The following LHFPL3 variants were observed in gnomAD, a reference collection of about 807,000 sequenced individuals.
The protein encoded by LHFPL3 is LHFPL tetraspan subfamily member 3 protein.
In LHFPL3, 5 loss-of-function variants were observed where a neutral mutation model predicts 19.3. The ratio of observed to expected loss-of-function variants is 0.26; its 90% CI spans 0.14 to 0.54. The LOEUF (loss-of-function observed/expected upper bound fraction) is 0.54. Among genes scored for constraint, LHFPL3 ranks in the 20% least tolerant of loss-of-function variants. LHFPL3 has a pLI of 0.94. For missense variants in LHFPL3, 249 were observed against 307.4 expected, an observed-to-expected ratio of 0.81 and a Z score of 1.42; for synonymous variants, 133 against 126.2, an observed-to-expected ratio of 1.05 and a Z score of -0.36.
chr7:104,817,531 G>A (rs1266609044), intron 2 of LHFPL3, among the ~76,000 whole-genome samples: 8 of 152,162 alleles, frequency 5.3e-5, no homozygotes, highest in African/African-American at 1.7e-4. Flanking sequence ...ATTTGATTGT[G>A]TTTAGGTCCA....
rs1793337163 is a variant in LHFPL3, at chr7:104,713,820, T to G, written c.446-22855T>G. On this transcript the variant is annotated intron_variant, in intron 1 of 2. Transcript: ENST00000424859. Reference sequence around the variant, plus strand: ...GATTTTTAAATGCCAGGAAGGAAACTGGAGCCTTTGGGTAAAGGGTGAAAA... The same window carrying G: ...GATTTTTAAATGCCAGGAAGGAAACGGGAGCCTTTGGGTAAAGGGTGAAAA... Among the ~76,000 whole-genome samples, 3 of 152,262 alleles carry G rather than the reference T, an allele frequency of 2.0e-5. No individual in the cohort carries two copies. In the South Asian group the frequency reaches 6.2e-4, roughly 32 times the overall value.
At chr7:104,401,121 T>C (rs1403103988) in intron 1 of LHFPL3, among the ~76,000 whole-genome samples, 1 of 150,750 alleles carries the variant, frequency 6.6e-6, no homozygotes, top group Admixed American at 6.6e-5. Flanking sequence ...CTCAGTTCCC[T>C]ATTTTGTAAT....
At chr7:104,706,735 T>C (rs1403408532) in intron 1 of LHFPL3, among the ~76,000 whole-genome samples, 1 of 152,214 alleles carries the variant, frequency 6.6e-6, no homozygotes, top group Non-Finnish European at 1.5e-5. Context: ...AACAGCCTCC[T>C]CTTTTATTAG....
chr7:104,528,141 A>G (rs1156956359), intron 1 of LHFPL3, among the ~76,000 whole-genome samples: 1 of 152,218 alleles, frequency 6.6e-6, no homozygotes, highest in East Asian at 1.9e-4. Flanking sequence ...GGAAACAGAA[A>G]TAAGTTGCTT....
chr7:104,649,714 A>G (rs967121217), intron 1 of LHFPL3, among the ~76,000 whole-genome samples: 7 of 152,216 alleles, frequency 4.6e-5, no homozygotes, highest in East Asian at 1.9e-4. Context: ...GTGTGGGACT[A>G]TGGCAGAGTT....
At chr7:104,409,031 ATT>A (rs11336631) in intron 1 of LHFPL3, among the ~76,000 whole-genome samples, 2,042 of 128,602 alleles carry the variant, frequency 0.016, 65 homozygotes, top group East Asian at 0.16. Context: ...CGCCCGGCTA[ATT>A]TTTTTTTTTT....
rs376806560 is a variant in LHFPL3 at position 104,521,893 on chromosome 7, G to A, written c.445+192669G>A. On this transcript the variant is annotated intron_variant, in intron 1 of 2. Transcript: ENST00000424859. ...ATTAAAAAGTCAGGAAACAACAGGT[G>A]CTGGAGAGGATGTGGAGAAATAGGA... Among the ~76,000 whole-genome samples, 5 of 152,196 alleles carry A rather than the reference G, an allele frequency of 3.3e-5. No homozygotes were observed. The East Asian group carries it at 5.8e-4, about 18-fold the overall frequency.
chr7:104,367,286 T>C (rs1371462715), intron 1 of LHFPL3, among the ~76,000 whole-genome samples: 3 of 152,272 alleles, frequency 2.0e-5, no homozygotes, highest in Middle Eastern at 3.4e-3. Flanking sequence ...AAGAATGACT[T>C]AGGGGTTGAG....
At chr7:104,506,417 T>G (rs548206110) in intron 1 of LHFPL3, among the ~76,000 whole-genome samples, 8 of 152,324 alleles carry the variant, frequency 5.3e-5, no homozygotes, top group East Asian at 3.9e-4. Flanking sequence ...CCCATGACAT[T>G]GCTGTGCATA....
At chr7:104,398,553 TA>T (rs1489205855) in intron 1 of LHFPL3, among the ~76,000 whole-genome samples, 1 of 152,218 alleles carries the variant, frequency 6.6e-6, no homozygotes, top group Non-Finnish European at 1.5e-5. Flanking sequence ...TTATAGTATA[TA>T]AAGCATTTCC....
chr7:104,390,630 G>A (rs985315118), intron 1 of LHFPL3, among the ~76,000 whole-genome samples: 7 of 152,112 alleles, frequency 4.6e-5, no homozygotes, highest in Admixed American at 4.6e-4. Flanking sequence ...TGTGAATAGT[G>A]CCACAATAAA....
chr7:104,329,270 C>T (rs767731973), intron 1 of LHFPL3, 46 bp downstream of exon 1: 18 of 1,544,708 alleles, frequency 1.2e-5, no homozygotes, highest in Non-Finnish European at 1.5e-5. Context: ...CCCGGGGCGC[C>T]CGAGCCGGGG....
chr7:104,777,043 G>A (rs1794647083), intron 2 of LHFPL3, among the ~76,000 whole-genome samples: 1 of 152,198 alleles, frequency 6.6e-6, no homozygotes. Context: ...CTGGCTCTAA[G>A]TAAGTGTCAT....
chr7:104,747,151 T>C (rs111855051), intron 2 of LHFPL3, among the ~76,000 whole-genome samples: 1,716 of 152,374 alleles, frequency 0.011, 31 homozygotes, highest in African/African-American at 0.039. Context: ...ACATTTATTC[T>C]TTTATCACAT....
rs1423065565 is a variant in LHFPL3 at position 104,489,218 on chromosome 7, G to C, written c.445+159994G>C. On this transcript the variant is annotated intron_variant, in intron 1 of 2. Transcript: ENST00000424859. ...CTGCCTCAGCCTCCCAAGTAGCTGG[G>C]ACTACAGGCGCCCGCCACTACGCCC... 4.3e-5 allele frequency among the ~76,000 whole-genome samples: 4 copies of C among 92,722 alleles called. 2 individuals carry two copies. The highest frequency in any genetic ancestry group is 1.1e-4 in the Non-Finnish European group (4 of 37,160). 60.8% of individuals were successfully genotyped at this position (92,722 alleles called of 152,430 possible).
chr7:104,602,307 C>T (rs537348838), intron 1 of LHFPL3, among the ~76,000 whole-genome samples: 81 of 152,210 alleles, frequency 5.3e-4, no homozygotes, highest in African/African-American at 1.8e-3. Context: ...AGGTGTGAGC[C>T]GCTGCGCCCA....
intron 2 of LHFPL3, among the ~76,000 whole-genome samples, chr7:104,854,400 A>G (rs1238779547): frequency 6.6e-6 from 1 of 152,170 alleles, no homozygotes; most frequent in East Asian, 1.9e-4. Context: ...TTCCCTTACA[A>G]AAGGGAACTC....
At chr7:104,904,599 C>G (rs1443926698) in intron 2 of LHFPL3, among the ~76,000 whole-genome samples, 1 of 152,110 alleles carries the variant, frequency 6.6e-6, no homozygotes, top group Non-Finnish European at 1.5e-5. Context: ...TGCAGTGAAC[C>G]AAGATCATGC....
At chr7:104,607,829 C>G (rs2115732385) in intron 1 of LHFPL3, among the ~76,000 whole-genome samples, 1 of 152,050 alleles carries the variant, frequency 6.6e-6, no homozygotes, top group African/African-American at 2.4e-5. Context: ...AACAAGTGGG[C>G]AAAAGATATG....
Sources: allele counts gnomAD v4.1 joint callset (sites outside exome capture counted in the v4.1 genomes callset), GRCh38; gene constraint gnomAD v4.1.1; transcripts MANE v1.5; gene names NCBI Gene and HGNC (gene_info 2026-07-23, HGNC 2026-07-21).